CNTN4: variants seen among roughly 807,000 people sequenced by gnomAD.
CNTN4 encodes contactin-4.
In CNTN4, 77 loss-of-function variants were observed where a neutral mutation model predicts 122.5. The observed-to-expected ratio is 0.63, with a 90% CI of 0.52 to 0.76. CNTN4 has a LOEUF of 0.76. CNTN4 is among the 30% of genes least tolerant of loss of function. CNTN4 has a pLI of 0.00. For missense variants in CNTN4, 1,256 were observed against 1,259.1 expected (o/e 1.00, Z 0.04); for synonymous variants, 512 against 447.0 (o/e 1.15, Z -1.83).
chr3:2,220,787 A>G (rs963226009), intron 2 of CNTN4, among the ~76,000 whole-genome samples: 1 of 152,150 alleles, frequency 6.6e-6, no homozygotes, highest in Non-Finnish European at 1.5e-5. Context: ...ACAGATAGTA[A>G]TAACTGTTAC....
intron 4 of CNTN4, among the ~76,000 whole-genome samples, chr3:2,577,407 A>G (rs1248305282): frequency 2.6e-5 from 4 of 152,222 alleles, no homozygotes; most frequent in Admixed American, 6.5e-5. Context: ...CTGTGTAGTT[A>G]TATCTATAAA....
At position 2,749,288 on chromosome 3, in the gene CNTN4, GT is replaced by G. The variant is rs560538521; in HGVS notation, c.358+3592del. The stretch of plus-strand genomic sequence containing the variant: ...AAGCTATTCTGCCTCAGCCTCCAAA[GT>G]AGCTGGGATTACAGGCTCACACCAC... On this transcript the variant is annotated intron_variant, in intron 6 of 24. Transcript: ENST00000418658. Among the ~76,000 whole-genome samples the G allele has an allele frequency of 2.0e-3, 308 of 151,084 alleles. 1 individual carries two copies. The highest frequency in any genetic ancestry group is 7.1e-3 in the African/African-American group (292 of 41,150).
chr3:2,838,809 G>A (rs2093288121), intron 7 of CNTN4, among the ~76,000 whole-genome samples: 2 of 152,104 alleles, frequency 1.3e-5, no homozygotes, highest in African/African-American at 4.8e-5. Context: ...ACTACTCTAT[G>A]ACTTTCTCCA....
chr3:2,321,344 T>A (rs1145049), intron 2 of CNTN4, among the ~76,000 whole-genome samples: 137,796 of 152,076 alleles, frequency 0.91, 62,833 homozygotes, highest in East Asian at 1. Flanking sequence ...AAAATTATTT[T>A]AAACTTTTAG....
intron 3 of CNTN4, among the ~76,000 whole-genome samples, chr3:2,341,739 CAAAAAT>C (rs767210667): frequency 2.0e-5 from 3 of 152,130 alleles, no homozygotes; most frequent in Non-Finnish European, 2.9e-5. Flanking sequence ...ATAGTAATTT[CAAAAAT>C]AAAAATAAAG....
chr3:2,556,702 A>G (rs912006196), intron 3 of CNTN4, among the ~76,000 whole-genome samples: 1 of 152,084 alleles, frequency 6.6e-6, no homozygotes, highest in Non-Finnish European at 1.5e-5. Flanking sequence ...GTATATGTAT[A>G]TAATACATAT....
chr3:2,426,225 A>G (rs894540962), intron 3 of CNTN4, among the ~76,000 whole-genome samples: 1 of 152,138 alleles, frequency 6.6e-6, no homozygotes, highest in Non-Finnish European at 1.5e-5. Flanking sequence ...AGCTCTTATT[A>G]TTTTGAGATA....
At chr3:2,781,451 C>CTTTG (rs60327957) in intron 6 of CNTN4, among the ~76,000 whole-genome samples, 35,044 of 151,780 alleles carry the variant, frequency 0.23, 6,470 homozygotes, top group African/African-American at 0.52. Flanking sequence ...GAGTCAAACT[C>CTTTG]TTTGAAGAGA....
intron 18 of CNTN4, chr3:3,037,818 C>T (rs528455953): frequency 2.9e-5 from 6 of 205,032 alleles, no homozygotes; most frequent in South Asian, 8.4e-5. Context: ...TTCCCAGAAA[C>T]GAAGATTCAG....
chr3:2,691,769 G>C (rs547245371), intron 4 of CNTN4, among the ~76,000 whole-genome samples: 8 of 152,186 alleles, frequency 5.3e-5, no homozygotes, highest in Non-Finnish European at 4.4e-5. Context: ...GTTAGATGTA[G>C]TTTCTTGGTG....
At chr3:2,716,085 C>G (rs1396083307) in intron 4 of CNTN4, among the ~76,000 whole-genome samples, 1 of 152,110 alleles carries the variant, frequency 6.6e-6, no homozygotes, top group African/African-American at 2.4e-5. Context: ...CTGCCTCAGC[C>G]TACTGAGTAG....
chr3:2,895,828 A>T (rs1016750316), intron 10 of CNTN4, among the ~76,000 whole-genome samples: 4 of 152,154 alleles, frequency 2.6e-5, no homozygotes, highest in African/African-American at 7.2e-5. Context: ...AGGTCAGGAG[A>T]TCGAGACCAT....
At chr3:2,671,818 C>T (rs4532122) in intron 4 of CNTN4, among the ~76,000 whole-genome samples, 71,992 of 152,010 alleles carry the variant, frequency 0.47, 17,919 homozygotes, top group African/African-American at 0.62. Context: ...CTCCTAACAG[C>T]AAGGACCCTC....
intron 3 of CNTN4, among the ~76,000 whole-genome samples, chr3:2,552,587 A>G (rs1416321768): frequency 6.6e-6 from 1 of 152,218 alleles, no homozygotes; most frequent in Non-Finnish European, 1.5e-5. Flanking sequence ...AGCACTGGAA[A>G]GGCACAGAAA....
chr3:2,312,943 CTG>C (rs1206939912), intron 2 of CNTN4, among the ~76,000 whole-genome samples: 7 of 151,864 alleles, frequency 4.6e-5, no homozygotes, highest in African/African-American at 1.2e-4. Context: ...AATAAAAACA[CTG>C]TGTGAAAATC....
intron 7 of CNTN4, among the ~76,000 whole-genome samples, chr3:2,839,637 T>A (rs2093309109): frequency 6.6e-6 from 1 of 152,124 alleles, no homozygotes; most frequent in Non-Finnish European, 1.5e-5. Flanking sequence ...GAACCAGATG[T>A]AAGATAATAG....
intron 3 of CNTN4, among the ~76,000 whole-genome samples, chr3:2,560,129 T>A (rs1297048253): frequency 6.7e-6 from 1 of 149,378 alleles, no homozygotes; most frequent in Non-Finnish European, 1.5e-5. Flanking sequence ...TTATTATTAT[T>A]ATTCTTTTTC....
At chr3:2,830,184 C>G (rs577716257) in intron 7 of CNTN4, among the ~76,000 whole-genome samples, 1 of 152,174 alleles carries the variant, frequency 6.6e-6, no homozygotes, top group African/African-American at 2.4e-5. Context: ...CCCAGCTTCT[C>G]TCCTGACAGT....
chr3:2,614,207 A>G (rs986393804), intron 4 of CNTN4, among the ~76,000 whole-genome samples: 1 of 152,178 alleles, frequency 6.6e-6, no homozygotes, highest in Non-Finnish European at 1.5e-5. Context: ...AACACCAGAG[A>G]AGTATATTCT....
Sources: gnomAD v4.1 joint callset for allele counts (sites outside exome capture counted in the v4.1 genomes callset) on GRCh38, gnomAD v4.1.1 for gene constraint, MANE v1.5 for transcripts, NCBI Gene and HGNC (gene_info 2026-07-23, HGNC 2026-07-21) for gene names.